SYT16: variants seen among roughly 807,000 people sequenced by gnomAD.
SYT16 encodes synaptotagmin 16.
SYT16 carries 42 observed loss-of-function variants against 61.4 expected under a neutral mutation model. That is an observed-to-expected ratio of 0.68 (90% CI 0.53 to 0.89). SYT16 has a LOEUF of 0.89. Among genes scored for constraint, SYT16 ranks in the 40% least tolerant of loss-of-function variants. The pLI, the probability that SYT16 is intolerant of heterozygous loss-of-function variation, is 0.00. For missense variants in SYT16, 804 were observed against 807.3 expected (o/e 1.00, Z 0.05); for synonymous variants, 314 against 302.3 (o/e 1.04, Z -0.40).
At chr14:62,065,817 G>A (rs1030135842) in intron 3 of SYT16, among the ~76,000 whole-genome samples, 1 of 152,106 alleles carries the variant, frequency 6.6e-6, no homozygotes, top group Non-Finnish European at 1.5e-5. Flanking sequence ...TTGGTCCATC[G>A]CATCCTAGAG....
At chr14:61,849,857 G>T (rs1221475975) in intron 1 of SYT16, among the ~76,000 whole-genome samples, 1 of 152,188 alleles carries the variant, frequency 6.6e-6, no homozygotes, top group East Asian at 1.9e-4. Context: ...TGTTCCTGAA[G>T]GGAGGATGGT....
chr14:61,985,903 AT>A (rs1271646639), intron 2 of SYT16, among the ~76,000 whole-genome samples: 1 of 152,122 alleles, frequency 6.6e-6, no homozygotes, highest in African/African-American at 2.4e-5. Context: ...TTATATGTGT[AT>A]TGGCTACCAA....
intron 2 of SYT16, among the ~76,000 whole-genome samples, chr14:61,979,677 A>G (rs1481903821): frequency 1.3e-5 from 2 of 152,126 alleles, no homozygotes; most frequent in Non-Finnish European, 2.9e-5. Context: ...AGGTCAAGAG[A>G]TCGAGATCAT....
chr14:61,968,738 C>T (rs28702736), intron 1 of SYT16, among the ~76,000 whole-genome samples: 15,846 of 152,166 alleles, frequency 0.1, 995 homozygotes, highest in African/African-American at 0.17. Flanking sequence ...AATAATTTGC[C>T]GAAGCCACAC....
chr14:62,087,058 A>G (rs571113622), intron 7 of SYT16, among the ~76,000 whole-genome samples: 35 of 152,314 alleles, frequency 2.3e-4, no homozygotes, highest in Non-Finnish European at 2.9e-5. Context: ...TTGGATGTCG[A>G]CGGCCTTGGT....
chr14:61,920,667 C>T (rs2049299525), intron 1 of SYT16, among the ~76,000 whole-genome samples: 1 of 152,184 alleles, frequency 6.6e-6, no homozygotes, highest in Admixed American at 6.5e-5. Flanking sequence ...TGATTTCTCT[C>T]ACTCCCAAAT....
At chr14:61,826,137 C>T (rs1364121798) in intron 1 of SYT16, among the ~76,000 whole-genome samples, 1 of 152,124 alleles carries the variant, frequency 6.6e-6, no homozygotes, top group East Asian at 1.9e-4. Context: ...TGGCTGGGGC[C>T]TGTCCTGGCA....
At chr14:61,958,218 AAAAC>A (rs891138628) in intron 1 of SYT16, among the ~76,000 whole-genome samples, 21 of 151,642 alleles carry the variant, frequency 1.4e-4, no homozygotes, top group African/African-American at 5.1e-4. Flanking sequence ...TCTTTTCAGA[AAAAC>A]AACTCAGTTT....
intron 1 of SYT16, among the ~76,000 whole-genome samples, chr14:61,892,748 G>GGTACATCAGGTACATCA (rs2048181940): frequency 1.3e-5 from 2 of 152,148 alleles, no homozygotes; most frequent in African/African-American, 2.4e-5. Context: ...TCAGAGTGCT[G>GGTACATCAGGTACATCA]GAGAAGGGGA....
At chr14:61,921,595 C>T (rs969596530) in intron 1 of SYT16, among the ~76,000 whole-genome samples, 1 of 152,196 alleles carries the variant, frequency 6.6e-6, no homozygotes, top group Non-Finnish European at 1.5e-5. Flanking sequence ...TGACTGGTGT[C>T]ACCTGGGGTT....
At chr14:62,093,148 T>TA (rs2062668785) in intron 7 of SYT16, among the ~76,000 whole-genome samples, 1 of 152,082 alleles carries the variant, frequency 6.6e-6, no homozygotes, top group Non-Finnish European at 1.5e-5. Flanking sequence ...TAAGTCTATT[T>TA]AAAAAATTAA....
chr14:62,050,406 C>T (rs890978559), intron 3 of SYT16, among the ~76,000 whole-genome samples: 28 of 152,078 alleles, frequency 1.8e-4, no homozygotes, highest in African/African-American at 5.1e-4. Flanking sequence ...ACTTCTTTGC[C>T]ATTGGTTCGA....
intron 1 of SYT16, among the ~76,000 whole-genome samples, chr14:61,844,292 C>G (rs1457291157): frequency 6.6e-6 from 1 of 151,844 alleles, no homozygotes; most frequent in East Asian, 1.9e-4. Flanking sequence ...TTGGTGGAAT[C>G]TTTAGGTTTT....
At chr14:61,892,847 G>C (rs995165333) in intron 1 of SYT16, among the ~76,000 whole-genome samples, 42 of 152,236 alleles carry the variant, frequency 2.8e-4, no homozygotes, top group Non-Finnish European at 1.5e-5. Flanking sequence ...GGCCAGGCTT[G>C]GTTGGTAGTG....
chr14:62,040,686 T>C (rs1161853082), intron 3 of SYT16, among the ~76,000 whole-genome samples: 2 of 152,338 alleles, frequency 1.3e-5, no homozygotes, highest in East Asian at 3.9e-4. Flanking sequence ...TCCTTATCCA[T>C]GTTCCTCTGT....
intron 1 of SYT16, among the ~76,000 whole-genome samples, chr14:61,865,837 C>T (rs1180563404): frequency 6.6e-6 from 1 of 151,958 alleles, no homozygotes; most frequent in Non-Finnish European, 1.5e-5. Flanking sequence ...GATCATTTAC[C>T]TGTCCTTATT....
intron 1 of SYT16, among the ~76,000 whole-genome samples, chr14:61,942,563 G>T (rs1452110645): frequency 6.6e-6 from 1 of 152,146 alleles, no homozygotes; most frequent in Non-Finnish European, 1.5e-5. Context: ...CTCACAGTGG[G>T]ATTCTGAAAC....
At chr14:61,963,551 A>G (rs1341016477) in intron 1 of SYT16, among the ~76,000 whole-genome samples, 2 of 152,330 alleles carry the variant, frequency 1.3e-5, no homozygotes, top group African/African-American at 4.8e-5. Flanking sequence ...TGCAGAAGAA[A>G]AGCTTGAAGC....
At chr14:61,995,552 AT>A (rs2052729544) in intron 2 of SYT16, among the ~76,000 whole-genome samples, 1 of 152,062 alleles carries the variant, frequency 6.6e-6, no homozygotes, top group African/African-American at 2.4e-5. Flanking sequence ...GCGTTTTGAA[AT>A]GTCATGCCCA....
Sources: allele counts gnomAD v4.1 joint callset (sites outside exome capture counted in the v4.1 genomes callset), GRCh38; gene constraint gnomAD v4.1.1; transcripts MANE v1.5; gene names NCBI Gene and HGNC (gene_info 2026-07-23, HGNC 2026-07-21).